SUMF1: variants seen among roughly 807,000 people sequenced by gnomAD.
SUMF1 encodes sulfatase modifying factor 1, also known as formylglycine-generating enzyme.
Under a neutral mutation model 47.6 loss-of-function variants are expected in SUMF1, and 48 were observed. That is an observed-to-expected ratio of 1.01 (90% confidence interval 0.80 to 1.28). The LOEUF is 1.28. Ranked by LOEUF, SUMF1 falls within the 50% of genes most tolerant of loss-of-function variation. The probability of loss-of-function intolerance (pLI) is 0.00; values close to 1 mark genes in which losing one functional copy is unlikely to be tolerated. For synonymous variants in SUMF1, 230 were observed against 192.1 expected (o/e 1.20, Z -1.63); for missense variants, 571 against 485.4 (o/e 1.18, Z -1.66).
At chr3:4,036,755 G>A (rs949864051) in intron 9 of SUMF1, among the ~76,000 whole-genome samples, 1 of 151,152 alleles carries the variant, frequency 6.6e-6, no homozygotes, top group Non-Finnish European at 1.5e-5. Flanking sequence ...CAAAGCAGAG[G>A]GGCTTTGCTT....
At chr3:4,314,817 A>G (rs1455210479) in intron 8 of SUMF1, among the ~76,000 whole-genome samples, 1 of 152,188 alleles carries the variant, frequency 6.6e-6, no homozygotes, top group Non-Finnish European at 1.5e-5. Context: ...GAAAGCTAAA[A>G]TAATTACTAG....
At chr3:4,369,795 G>A (rs986429702) in intron 8 of SUMF1, among the ~76,000 whole-genome samples, 2 of 152,182 alleles carry the variant, frequency 1.3e-5, no homozygotes, top group African/African-American at 4.8e-5. Context: ...AGGTGCTGCT[G>A]ATGCTACAGG....
intron 8 of SUMF1, among the ~76,000 whole-genome samples, chr3:4,331,671 A>T (rs1699054409): frequency 1.3e-5 from 2 of 152,200 alleles, no homozygotes; most frequent in Non-Finnish European, 2.9e-5. Flanking sequence ...TCTACTAAAA[A>T]TACAAAATAT....
chr3:4,100,106 C>G (rs960735204), intron 8 of SUMF1, among the ~76,000 whole-genome samples: 1 of 150,792 alleles, frequency 6.6e-6, no homozygotes, highest in Middle Eastern at 3.2e-3. Flanking sequence ...ATTAAATTGT[C>G]TATAGTAACC....
At chr3:4,294,197 G>A (rs937136722) in intron 8 of SUMF1, among the ~76,000 whole-genome samples, 4 of 152,022 alleles carry the variant, frequency 2.6e-5, no homozygotes, top group South Asian at 2.1e-4. Flanking sequence ...ATAGCTATAC[G>A]TAGCTATTTA....
chr3:4,241,289 T>C (rs1366940077), intron 8 of SUMF1, among the ~76,000 whole-genome samples: 1 of 152,166 alleles, frequency 6.6e-6, no homozygotes, highest in Non-Finnish European at 1.5e-5. Flanking sequence ...ATGCTTCTCA[T>C]GTATCTTCAG....
intron 8 of SUMF1, among the ~76,000 whole-genome samples, chr3:4,375,355 T>G (rs1700295466): frequency 6.6e-6 from 1 of 152,090 alleles, no homozygotes; most frequent in African/African-American, 2.4e-5. Flanking sequence ...ATTCCCGAAC[T>G]TGGCTGTATG....
At chr3:4,209,917 C>T (rs1387689486) in intron 8 of SUMF1, among the ~76,000 whole-genome samples, 1 of 152,012 alleles carries the variant, frequency 6.6e-6, no homozygotes, top group Admixed American at 6.6e-5. Flanking sequence ...TTTTTTGAGG[C>T]AGAGTCTCAC....
chr3:4,192,192 T>C (rs892142717), intron 8 of SUMF1, among the ~76,000 whole-genome samples: 1 of 152,010 alleles, frequency 6.6e-6, no homozygotes, highest in Non-Finnish European at 1.5e-5. Flanking sequence ...AAGTATGAGA[T>C]AGTCAGTTCA....
chr3:4,166,503 C>T (rs1481837328), intron 8 of SUMF1, among the ~76,000 whole-genome samples: 2 of 152,028 alleles, frequency 1.3e-5, no homozygotes, highest in South Asian at 4.1e-4. Context: ...ATTGGTGATC[C>T]CAGGTGCCTA....
chr3:4,264,229 G>C (rs1697143412), intron 8 of SUMF1, among the ~76,000 whole-genome samples: 1 of 152,160 alleles, frequency 6.6e-6, no homozygotes, highest in Admixed American at 6.5e-5. Context: ...GTTACGCTGA[G>C]TCAGCATCTT....
chr3:4,146,408 G>C (rs560824464), intron 8 of SUMF1, among the ~76,000 whole-genome samples: 2 of 151,922 alleles, frequency 1.3e-5, no homozygotes, highest in African/African-American at 4.8e-5. Context: ...AGAGGCGAGG[G>C]GGGGAAAGGT....
At chr3:4,319,051 CTA>C (rs1285401594) in intron 8 of SUMF1, among the ~76,000 whole-genome samples, 2 of 152,186 alleles carry the variant, frequency 1.3e-5, no homozygotes, top group African/African-American at 4.8e-5. Flanking sequence ...CAATTTAAAA[CTA>C]TAAGTTATCC....
chr3:4,060,622 T>C (rs986072434), intron 9 of SUMF1, among the ~76,000 whole-genome samples: 28 of 152,288 alleles, frequency 1.8e-4, no homozygotes, highest in African/African-American at 6.7e-4. Context: ...ATTAACACTA[T>C]GTGGAATAAA....
intron 8 of SUMF1, among the ~76,000 whole-genome samples, chr3:4,130,588 T>C (rs1193995498): frequency 6.6e-6 from 1 of 152,080 alleles, no homozygotes; most frequent in Non-Finnish European, 1.5e-5. Context: ...GGATGAGAAA[T>C]AAATCCAACT....
chr3:4,381,684 T>C (rs1427022233), intron 7 of SUMF1, among the ~76,000 whole-genome samples: 1 of 152,214 alleles, frequency 6.6e-6, no homozygotes, highest in Non-Finnish European at 1.5e-5. Context: ...AGAAGAGTTA[T>C]GAGTGAATGT....
intron 8 of SUMF1, among the ~76,000 whole-genome samples, chr3:4,134,032 A>C (rs999081931): frequency 9.9e-5 from 15 of 151,956 alleles, no homozygotes; most frequent in African/African-American, 3.1e-4. Context: ...GACTTTAACA[A>C]CCCACTGTCA....
intron 8 of SUMF1, among the ~76,000 whole-genome samples, chr3:4,236,058 T>G (rs1181211974): frequency 7.0e-6 from 1 of 141,906 alleles, no homozygotes; most frequent in Admixed American, 6.9e-5. Context: ...TTCCCCTACC[T>G]TAGCCCCCCA....
intron 3 of SUMF1, among the ~76,000 whole-genome samples, chr3:4,445,369 ACT>A (rs1702744719): frequency 6.6e-6 from 1 of 152,088 alleles, no homozygotes; most frequent in African/African-American, 2.4e-5. Flanking sequence ...ACAGGGTCTC[ACT>A]CTGTCACCCA....
Sources: allele counts gnomAD v4.1 joint callset (sites outside exome capture counted in the v4.1 genomes callset), GRCh38; gene constraint gnomAD v4.1.1; transcripts MANE v1.5; gene names NCBI Gene and HGNC (gene_info 2026-07-23, HGNC 2026-07-21).